MPDZ: variants seen among roughly 807,000 people sequenced by gnomAD.
MPDZ encodes the protein multiple PDZ domain protein.
In MPDZ, 234 loss-of-function variants were observed where a neutral mutation model predicts 239.1. The observed-to-expected ratio is 0.98, with a 90% confidence interval of 0.88 to 1.09. The LOEUF (loss-of-function observed/expected upper bound fraction) is 1.09. Ranked by LOEUF, MPDZ falls within the 50% of genes least tolerant of loss-of-function variation. The pLI is 0.00. For synonymous variants in MPDZ, 1,048 were observed against 881.3 expected (o/e 1.19, Z -3.35); for missense variants, 3,175 against 2,510.0 (o/e 1.26, Z -5.66).
chr9:13,215,989 G>A (rs1328451490), intron 10 of MPDZ, among the ~76,000 whole-genome samples: 6 of 134,836 alleles, frequency 4.4e-5, no homozygotes, highest in Non-Finnish European at 7.8e-5. Flanking sequence ...ATCTGCCTGT[G>A]TTGGGATTAC....
rs1958837120 is a variant in MPDZ, at chr9:13,219,736, T to C, written c.909A>G (p.Leu303=). 4 of 1,612,666 alleles carry C rather than the reference T, an allele frequency of 2.5e-6. No individual in the cohort carries two copies. Among genetic ancestry groups the C allele is most frequent in the East Asian group, 2.2e-5 (1 of 44,792 alleles). ...HGRLCSGDHI[L]KIGDTDLAGM... ...CTGCTAGATCTGTGTCACCAATCTTTAGAATGTGGTCTCCACTGCATAAAC... is the reference window on the plus strand; with the variant it reads ...CTGCTAGATCTGTGTCACCAATCTTCAGAATGTGGTCTCCACTGCATAAAC... The change falls in exon 8 of 47, where the codon CTA becomes CTG. Residue 303 remains leucine (L), a synonymous_variant. Coordinates refer to ENST00000319217, the MANE Select transcript of MPDZ (RefSeq NM_001378778.1).
At chr9:13,115,912 T>C (rs1943354949) in intron 39 of MPDZ, among the ~76,000 whole-genome samples, 1 of 124,722 alleles carries the variant, frequency 8.0e-6, no homozygotes, top group South Asian at 2.6e-4. Flanking sequence ...GCCACTGCAC[T>C]CCACCTGGGT....
intron 13 of MPDZ, among the ~76,000 whole-genome samples, chr9:13,193,994 C>T (rs1004050247): frequency 6.6e-6 from 1 of 152,104 alleles, no homozygotes; most frequent in Non-Finnish European, 1.5e-5. Flanking sequence ...GTTTCAGAAG[C>T]GATATCACCT....
At chr9:13,253,958 C>G (rs1968765766) in intron 1 of MPDZ, among the ~76,000 whole-genome samples, 1 of 152,194 alleles carries the variant, frequency 6.6e-6, no homozygotes. Flanking sequence ...GATTAAGTAA[C>G]TTGTCTAAGG....
chr9:13,107,542 G>T (rs1277718331), intron 46 of MPDZ, among the ~76,000 whole-genome samples: 1 of 152,164 alleles, frequency 6.6e-6, no homozygotes, highest in Non-Finnish European at 1.5e-5. Context: ...GGGCTTGGGG[G>T]ATGACAAAAT....
chr9:13,267,942 C>T (rs1478032905), intron 1 of MPDZ, among the ~76,000 whole-genome samples: 2 of 152,096 alleles, frequency 1.3e-5, no homozygotes, highest in African/African-American at 2.4e-5. Context: ...TTTTCCTTCA[C>T]GCACAAAGTA....
chr9:13,165,449 G>C (rs767939293), intron 22 of MPDZ: 156 of 1,546,960 alleles, frequency 1.0e-4, no homozygotes, highest in South Asian at 3.5e-4. Context: ...TTTTACAATG[G>C]TGTTAACAAA....
intron 3 of MPDZ, among the ~76,000 whole-genome samples, chr9:13,236,229 A>ATG (rs1564099296): frequency 3.8e-5 from 1 of 26,550 alleles, no homozygotes; most frequent in African/African-American, 1.1e-4. Context: ...GTGTGTGTAT[A>ATG]TGTATATGTG....
chr9:13,214,660 T>C (rs1001332713), intron 10 of MPDZ, among the ~76,000 whole-genome samples: 12 of 152,092 alleles, frequency 7.9e-5, no homozygotes, highest in African/African-American at 2.2e-4. Flanking sequence ...AAATTAGCTA[T>C]GCTTTCAATT....
At chr9:13,213,451 C>T (rs1348520583) in intron 10 of MPDZ, among the ~76,000 whole-genome samples, 1 of 151,890 alleles carries the variant, frequency 6.6e-6, no homozygotes, top group Non-Finnish European at 1.5e-5. Context: ...GCTGTCAAAA[C>T]AAAAATCGAA....
In MPDZ at chr9:13,250,336, C is replaced by A; in HGVS notation, c.-21G>T. ...AACATTTTTTTCAAAGTTCAGTGTT[C>A]TTCTCTGAAATGATTAACAGCAATT... On this transcript the variant is annotated 5_prime_UTR_variant, in exon 2 of 47. Coordinates refer to ENST00000319217, the MANE Select transcript of MPDZ (RefSeq NM_001378778.1). 1 of 1,580,020 alleles carries A rather than the reference C, an allele frequency of 6.3e-7. No individual in the cohort carries two copies. Among genetic ancestry groups the A allele is most frequent in the Non-Finnish European group, 8.6e-7 (1 of 1,161,008 alleles).
intron 3 of MPDZ, among the ~76,000 whole-genome samples, chr9:13,237,946 C>G (rs1039530235): frequency 6.6e-6 from 1 of 151,944 alleles, no homozygotes; most frequent in Non-Finnish European, 1.5e-5. Context: ...ATTCAAAGAG[C>G]AAGATAGACA....
intron 3 of MPDZ, among the ~76,000 whole-genome samples, chr9:13,237,512 A>G (rs192164374): frequency 2.7e-5 from 4 of 150,728 alleles, no homozygotes; most frequent in Non-Finnish European, 5.9e-5. Flanking sequence ...AAATTCAATG[A>G]TTGTCTCACA....
At chr9:13,175,071 C>A (rs1952280862) in intron 21 of MPDZ, among the ~76,000 whole-genome samples, 1 of 152,208 alleles carries the variant, frequency 6.6e-6, no homozygotes, top group African/African-American at 2.4e-5. Context: ...CTCAGAGCAA[C>A]TCATCTACCA....
At chr9:13,143,854 G>C (rs1329205943) in intron 26 of MPDZ, among the ~76,000 whole-genome samples, 4 of 152,136 alleles carry the variant, frequency 2.6e-5, no homozygotes, top group East Asian at 3.9e-4. Flanking sequence ...ATTACTAACA[G>C]AGGCACATAT....
At chr9:13,235,544 GTTCACAGCCATGAA>G (rs1245443223) in intron 3 of MPDZ, among the ~76,000 whole-genome samples, 4 of 152,128 alleles carry the variant, frequency 2.6e-5, no homozygotes, top group Admixed American at 2.6e-4. Context: ...ATACCTTTCT[GTTCACAGCCATGAA>G]TTCTCAAATA....
rs749650642 is a variant in MPDZ, at chr9:13,205,964, C to A, written c.1426G>T (p.Val476Phe). 3 of 1,609,466 alleles carry A rather than the reference C, an allele frequency of 1.9e-6. No homozygotes were observed. The Admixed American group carries it at 5.1e-5, about 27-fold the overall frequency. The change falls in exon 11 of 47, where the codon GTC becomes TTC. Residue 476 changes from valine (V) to phenylalanine (F), a missense_variant. Val to Phe is a conservative substitution (Grantham distance 50, BLOSUM62 -1). Transcript: ENST00000319217. ...QEAELMSREDVTKDADLSPVN... is the reference protein window; with the variant it reads ...QEAELMSREDFTKDADLSPVN... ...GGAGACAAATCTGCATCTTTTGTGA[C>A]GTCTTCCCTTGACATGAGCTCGGCT...
intron 12 of MPDZ, 103 bp downstream of exon 12, chr9:13,204,933 A>C: frequency 2.9e-6 from 2 of 698,404 alleles, no homozygotes; most frequent in Non-Finnish European, 4.2e-6. Context: ...AATTTTTTTT[A>C]GTAACTTACA....
intron 35 of MPDZ, among the ~76,000 whole-genome samples, chr9:13,123,551 C>G (rs1038415739): frequency 1.3e-5 from 2 of 151,930 alleles, no homozygotes; most frequent in Admixed American, 6.6e-5. Flanking sequence ...CTATGCTATC[C>G]TACATGTTTT....
Sources: gnomAD v4.1 joint callset for allele counts (sites outside exome capture counted in the v4.1 genomes callset) on GRCh38, gnomAD v4.1.1 for gene constraint, MANE v1.5 for transcripts, NCBI Gene and HGNC (gene_info 2026-07-23, HGNC 2026-07-21) for gene names.